Variants in SYNPR observed in about 807,000 individuals in gnomAD.
SYNPR encodes synaptoporin.
SYNPR carries 23 observed loss-of-function variants against 32.9 expected under a neutral mutation model. That is an observed-to-expected ratio of 0.70 (90% CI 0.50 to 0.99). SYNPR has a LOEUF of 0.99. Ranked by LOEUF, SYNPR falls within the 50% of genes least tolerant of loss-of-function variation. The pLI is 0.00. For synonymous variants in SYNPR, 146 were observed against 135.9 expected, an observed-to-expected ratio of 1.07 and a Z score of -0.52; for missense variants, 318 against 349.3, an observed-to-expected ratio of 0.91 and a Z score of 0.71.
chr3:63,334,042 T>G (rs2087258929), intron 2 of SYNPR, among the ~76,000 whole-genome samples: 1 of 152,234 alleles, frequency 6.6e-6, no homozygotes, highest in South Asian at 2.1e-4. Flanking sequence ...GTGATTAATA[T>G]TTTTTAGAAT....
chr3:63,258,407 A>G (rs1184707400), intron 2 of SYNPR, among the ~76,000 whole-genome samples: 2 of 152,256 alleles, frequency 1.3e-5, no homozygotes, highest in Non-Finnish European at 2.9e-5. Flanking sequence ...AGAACTCAGG[A>G]TTAAGAAACT....
At chr3:63,224,282 T>C (rs879248993), upstream of SYNPR, among the ~76,000 whole-genome samples, 1 of 152,112 alleles carries the variant, frequency 6.6e-6, no homozygotes, top group African/African-American at 2.4e-5. Context: ...GAGATCTAGG[T>C]TGCAGGCTCC....
intron 3 of SYNPR, among the ~76,000 whole-genome samples, chr3:63,504,043 G>T (rs975139629): frequency 6.6e-6 from 1 of 151,816 alleles, no homozygotes; most frequent in Non-Finnish European, 1.5e-5. Context: ...ATTTTCATAC[G>T]CACATTTCCA....
intron 2 of SYNPR, among the ~76,000 whole-genome samples, chr3:63,308,807 T>C (rs1473381284): frequency 6.6e-6 from 1 of 151,968 alleles, no homozygotes; most frequent in African/African-American, 2.4e-5. Flanking sequence ...TCTTCATGTT[T>C]ATTGTGCCTG....
intron 2 of SYNPR, among the ~76,000 whole-genome samples, chr3:63,401,459 C>T (rs951693297): frequency 3.3e-5 from 5 of 152,300 alleles, no homozygotes; most frequent in Non-Finnish European, 5.9e-5. Flanking sequence ...ACTCCAATCA[C>T]AGGACATCAG....
rs1176762977 is a variant in SYNPR at position 63,401,921 on chromosome 3, G to GGA, written c.85-78908_85-78907dup. 2.6e-5 allele frequency among the ~76,000 whole-genome samples: 4 copies of GGA among 152,130 alleles called. No individual in the cohort carries two copies. In the East Asian group the frequency reaches 7.7e-4, roughly 29 times the overall value. ...AAAGTTGAGAAACATGAGGCCAGTA[G>GGA]GAGATAAAGAAAGCAATGTCTTCTG... On this transcript the variant is annotated intron_variant, in intron 2 of 5. Coordinates refer to ENST00000478300, the MANE Select transcript of SYNPR (RefSeq NM_001130003.2).
chr3:63,275,874 A>G (rs1336495784), upstream of SYNPR, among the ~76,000 whole-genome samples: 1 of 152,174 alleles, frequency 6.6e-6, no homozygotes, highest in Admixed American at 6.5e-5. Context: ...CTACCATGCA[A>G]AGAGGATGAA....
intron 2 of SYNPR, among the ~76,000 whole-genome samples, chr3:63,366,334 G>A (rs1468936480): frequency 1.3e-5 from 2 of 151,908 alleles, no homozygotes; most frequent in Admixed American, 1.3e-4. Context: ...TTTTAAATAA[G>A]CTTAGATGAT....
intron 4 of SYNPR, among the ~76,000 whole-genome samples, chr3:63,596,211 C>T (rs1211803767): frequency 2.0e-5 from 3 of 150,946 alleles, no homozygotes; most frequent in Non-Finnish European, 4.4e-5. Context: ...TTCCTTCTCC[C>T]TTCTTCGTGC....
chr3:63,532,012 A>G (rs930662304), intron 3 of SYNPR, among the ~76,000 whole-genome samples: 42 of 152,370 alleles, frequency 2.8e-4, no homozygotes, highest in African/African-American at 9.6e-4. Flanking sequence ...GCAGGATTCA[A>G]TAAAATAATG....
chr3:63,551,247 G>A (rs2047972), intron 3 of SYNPR, among the ~76,000 whole-genome samples: 5,825 of 152,208 alleles, frequency 0.038, 411 homozygotes, highest in African/African-American at 0.13. Context: ...GCATGTATCA[G>A]TACTTTACTT....
intron 4 of SYNPR, among the ~76,000 whole-genome samples, chr3:63,583,931 G>GGTGAGGAAGAATGAATTTTCCATT (rs1703137113): frequency 6.6e-6 from 1 of 151,950 alleles, no homozygotes; most frequent in Non-Finnish European, 1.5e-5. Flanking sequence ...AATTTTCCAT[G>GGTGAGGAAGAATGAATTTTCCATT]ATCTAAGAAC....
intron 2 of SYNPR, among the ~76,000 whole-genome samples, chr3:63,350,245 C>G (rs1345597803): frequency 6.8e-6 from 1 of 147,552 alleles, no homozygotes; most frequent in Non-Finnish European, 1.5e-5. Flanking sequence ...CACACACATA[C>G]AAACACAATT....
In SYNPR at chr3:63,458,999, C is replaced by T. The variant is rs142412715; in HGVS notation, c.85-21833C>T. 2.0e-3 allele frequency among the ~76,000 whole-genome samples: 310 copies of T among 152,134 alleles called. 1 individual carries two copies. The highest frequency in any genetic ancestry group is 7.0e-3 in the African/African-American group (291 of 41,536). ...ATCCTTCTGAAGTATCTCTCTATCT[C>T]TCCTCTCCCGTCACTTAAGTTTCTC... On this transcript the variant is annotated intron_variant, in intron 2 of 5. Transcript: ENST00000478300.
chr3:63,480,607 T>C (rs1432121982), intron 2 of SYNPR, among the ~76,000 whole-genome samples: 1 of 152,192 alleles, frequency 6.6e-6, no homozygotes, highest in Non-Finnish European at 1.5e-5. Context: ...TCTTTAATTA[T>C]TCTCCAAGCC....
intron 2 of SYNPR, among the ~76,000 whole-genome samples, chr3:63,295,795 C>T (rs903811556): frequency 2.6e-5 from 4 of 152,202 alleles, no homozygotes; most frequent in Non-Finnish European, 5.9e-5. Context: ...TACTTAGAGC[C>T]ATGAGATTAG....
chr3:63,526,333 C>G (rs986886111), intron 3 of SYNPR, among the ~76,000 whole-genome samples: 1 of 152,214 alleles, frequency 6.6e-6, no homozygotes, highest in African/African-American at 2.4e-5. Context: ...CTCTGCACCT[C>G]TGTGCATTAT....
Position 63,609,335 on chromosome 3 carries a change from T to C in SYNPR, c.600+19T>C, listed in dbSNP as rs377372236. The C allele has an allele frequency of 1.2e-5, 18 of 1,514,914 alleles. No individual in the cohort carries two copies. Among genetic ancestry groups the C allele is most frequent in the African/African-American group, 2.8e-5 (2 of 71,652 alleles). The allele number at this position is 1,514,914 out of a possible 1,614,324, so 93.8% of individuals were successfully genotyped here. Reference sequence around the variant, plus strand: ...TTCTGTGGTAAGTATTTTTCATCTATGCTTTACTGTTCATATCTTTGTTTG... The same window carrying C: ...TTCTGTGGTAAGTATTTTTCATCTACGCTTTACTGTTCATATCTTTGTTTG... On this transcript the variant is annotated intron_variant, in intron 5 of 5. Coordinates refer to ENST00000478300, the MANE Select transcript of SYNPR (RefSeq NM_001130003.2).
intron 2 of SYNPR, among the ~76,000 whole-genome samples, chr3:63,318,928 G>GC: frequency 6.6e-6 from 1 of 152,022 alleles, no homozygotes; most frequent in South Asian, 2.1e-4. Flanking sequence ...CTGTTGTTCA[G>GC]ATTCTTTTGT....
Sources: allele counts gnomAD v4.1 joint callset (sites outside exome capture counted in the v4.1 genomes callset), GRCh38; gene constraint gnomAD v4.1.1; transcripts MANE v1.5; gene names NCBI Gene and HGNC (gene_info 2026-07-23, HGNC 2026-07-21).